The following GPRIN3 variants were observed in gnomAD, a reference collection of about 807,000 sequenced individuals.
The protein encoded by GPRIN3 is GPRIN family member 3.
GPRIN3 carries 12 observed loss-of-function variants against 13.7 expected under a neutral mutation model. The observed-to-expected ratio is 0.87, with a 90% CI of 0.56 to 1.42. GPRIN3 has a LOEUF of 1.42. GPRIN3 is among the 40% of genes most tolerant of loss of function. GPRIN3 has a pLI of 0.00. For synonymous variants in GPRIN3, 377 were observed against 372.7 expected, an observed-to-expected ratio of 1.01 and a Z score of -0.13; for missense variants, 1,009 against 958.7, an observed-to-expected ratio of 1.05 and a Z score of -0.69.
Position 89,249,369 on chromosome 4 carries a change from TG to T in GPRIN3, c.741del (p.Asn247LysfsTer17). The T allele has an allele frequency of 1.2e-6, 2 of 1,614,172 alleles. No homozygotes were observed. The highest frequency in any genetic ancestry group is 1.7e-6 in the Non-Finnish European group (2 of 1,180,028). On this transcript the variant is annotated frameshift_variant, in exon 2 of 2. Transcript: ENST00000609438. LOFTEE classifies it low-confidence loss of function (END_TRUNC). ...CCCGAGGCAGTGACAGAGGGCTGCTTGTTCTCTGAACATCCAGATTCTCTAG... is the reference window on the plus strand; with the variant it reads ...CCCGAGGCAGTGACAGAGGGCTGCTTTTCTCTGAACATCCAGATTCTCTAG... The part of the protein sequence containing the change: ...PLTRESGCSE[N>X]KQPSVTASGP...
intron 1 of GPRIN3, among the ~76,000 whole-genome samples, chr4:89,305,831 C>T (rs905751725): frequency 6.6e-6 from 1 of 152,216 alleles, no homozygotes; most frequent in African/African-American, 2.4e-5. Flanking sequence ...CCAGCCTGCC[C>T]TCCAATTGAC....
chr4:89,299,797 G>C (rs771461054), intron 1 of GPRIN3, among the ~76,000 whole-genome samples: 2 of 152,128 alleles, frequency 1.3e-5, no homozygotes, highest in Non-Finnish European at 2.9e-5. Flanking sequence ...GAAAGATTGA[G>C]ATACACTCTG....
rs1722999887 is a variant in GPRIN3 at position 89,243,462 on chromosome 4, A to G, written c.*4318T>C. Reference sequence around the variant, plus strand: ...GAATCAACCAAAAAGGGCCACGCACAACATCAGGAAGCATTGCTAACAGAA... The same window carrying G: ...GAATCAACCAAAAAGGGCCACGCACGACATCAGGAAGCATTGCTAACAGAA... On this transcript the variant is annotated 3_prime_UTR_variant, in exon 2 of 2. Coordinates refer to ENST00000609438, the MANE Select transcript of GPRIN3 (RefSeq NM_198281.3). 1.3e-5 allele frequency: 2 copies of G among 152,208 alleles called. No individual in the cohort carries two copies. Among genetic ancestry groups the G allele is most frequent in the African/African-American group, 4.8e-5 (2 of 41,454 alleles). 9.4% of individuals were successfully genotyped at this position (152,208 alleles called of 1,614,324 possible). A position where few individuals can be genotyped will look rare whatever the true frequency, so the allele number is the denominator to read the frequency against.
chr4:89,253,318 A>C (rs191235024), intron 1 of GPRIN3, among the ~76,000 whole-genome samples: 109 of 152,342 alleles, frequency 7.2e-4, no homozygotes, highest in Non-Finnish European at 1.5e-3. Flanking sequence ...CATGGCATGA[A>C]ATGTTAAGAA....
chr4:89,305,295 A>T (rs922436525), intron 1 of GPRIN3, among the ~76,000 whole-genome samples: 1 of 152,034 alleles, frequency 6.6e-6, no homozygotes, highest in Non-Finnish European at 1.5e-5. Flanking sequence ...GTCCATGGGA[A>T]ACTCTCCTTA....
rs1043122685 is a variant in GPRIN3 at position 89,239,217 on chromosome 4, T to A, written c.*8563A>T. 12 of 152,252 alleles carry A rather than the reference T, an allele frequency of 7.9e-5. No individual in the cohort carries two copies. The highest frequency in any genetic ancestry group is 2.6e-4 in the African/African-American group (11 of 41,576). The allele number at this position is 152,252 out of a possible 1,614,324, so 9.4% of individuals were successfully genotyped here. A position where few individuals can be genotyped will look rare whatever the true frequency, so the allele number is the denominator to read the frequency against. ...ATAAATGGACTTTCCATTTTGAATA[T>A]TTTTTCTTGTAATATTATACCACAC... On this transcript the variant is annotated 3_prime_UTR_variant, in exon 2 of 2. Transcript: ENST00000609438.
intron 1 of GPRIN3, among the ~76,000 whole-genome samples, chr4:89,268,493 G>A (rs1439888464): frequency 6.6e-6 from 1 of 152,164 alleles, no homozygotes; most frequent in Non-Finnish European, 1.5e-5. Context: ...GCTATGCCAA[G>A]GGTAGGCAAA....
intron 1 of GPRIN3, among the ~76,000 whole-genome samples, chr4:89,253,149 C>G (rs190570289): frequency 1.3e-5 from 2 of 152,032 alleles, no homozygotes; most frequent in African/African-American, 2.4e-5. Context: ...CTGCAAGCCC[C>G]GGAAGGAAAA....
rs143939646 is a variant in GPRIN3 at position 89,260,586 on chromosome 4, T to C, written c.-123-10353A>G. 4.9e-4 allele frequency among the ~76,000 whole-genome samples: 75 copies of C among 152,304 alleles called. 2 individuals are homozygous for C. The South Asian group carries it at 0.015, about 31-fold the overall frequency. ...GACAAATTCAATAAGAAGCTATAAG[T>C]GAGCAAGAGTGTATATAATTAAGTG... On this transcript the variant is annotated intron_variant, in intron 1 of 1. Transcript: ENST00000609438.
intron 1 of GPRIN3, among the ~76,000 whole-genome samples, chr4:89,287,474 G>A (rs1190892140): frequency 6.6e-6 from 1 of 152,190 alleles, no homozygotes; most frequent in Non-Finnish European, 1.5e-5. Flanking sequence ...GGTTTTAAAA[G>A]CTGAGCCTTT....
chr4:89,292,816 T>C (rs1724612561), intron 1 of GPRIN3, among the ~76,000 whole-genome samples: 2 of 152,348 alleles, frequency 1.3e-5, no homozygotes, highest in South Asian at 4.1e-4. Flanking sequence ...CTTTCATTTT[T>C]CTGTAACATT....
At chr4:89,269,053 A>T (rs1250505665) in intron 1 of GPRIN3, among the ~76,000 whole-genome samples, 4 of 152,218 alleles carry the variant, frequency 2.6e-5, no homozygotes, top group African/African-American at 9.6e-5. Context: ...ATGAAGGTTC[A>T]TGACAGGTGG....
chr4:89,300,894 A>G (rs964135543), intron 1 of GPRIN3, among the ~76,000 whole-genome samples: 3 of 152,176 alleles, frequency 2.0e-5, no homozygotes, highest in African/African-American at 7.2e-5. Context: ...TAAAATTTTT[A>G]CTGGAATTTA....
intron 1 of GPRIN3, among the ~76,000 whole-genome samples, chr4:89,253,847 T>C (rs562823229): frequency 6.6e-6 from 1 of 152,298 alleles, no homozygotes; most frequent in South Asian, 2.1e-4. Flanking sequence ...AATGGAATTG[T>C]CACAGCATCT....
At chr4:89,266,836 G>T (rs1723794690) in intron 1 of GPRIN3, among the ~76,000 whole-genome samples, 3 of 152,140 alleles carry the variant, frequency 2.0e-5, no homozygotes, top group African/African-American at 7.2e-5. Context: ...CTTAGTGAAT[G>T]ATACAAATTC....
intron 1 of GPRIN3, among the ~76,000 whole-genome samples, chr4:89,285,812 G>T (rs748759610): frequency 6.6e-6 from 1 of 152,152 alleles, no homozygotes; most frequent in Non-Finnish European, 1.5e-5. Flanking sequence ...TGGTGTTTGG[G>T]AGGGAATTAC....
In GPRIN3 at chr4:89,250,216, T is replaced by C; in HGVS notation, c.-106A>G. 1 of 1,508,198 alleles carries C rather than the reference T, an allele frequency of 6.6e-7. No homozygotes were observed. Among genetic ancestry groups the C allele is most frequent in the Admixed American group, 2.3e-5 (1 of 44,330 alleles). The allele number at this position is 1,508,198 out of a possible 1,614,324, so 93.4% of individuals were successfully genotyped here. ...AGAGTGATGACACAGTCAGGGATGA[T>C]TCCTCTGAAGAACCAGCCTGTGAAT... On this transcript the variant is annotated 5_prime_UTR_variant, in exon 2 of 2. Coordinates refer to ENST00000609438, the MANE Select transcript of GPRIN3 (RefSeq NM_198281.3).
At position 89,242,014 on chromosome 4, in the gene GPRIN3, A is replaced by T. The variant is rs963582926; in HGVS notation, c.*5766T>A. On this transcript the variant is annotated 3_prime_UTR_variant, in exon 2 of 2. Transcript: ENST00000609438. ...TGAATGACATCTCCATAGTTAAGAG[A>T]TCAAGAAAGCTGTTAGCAATTCTCT... 1 of 152,234 alleles carries T rather than the reference A, an allele frequency of 6.6e-6. No individual in the cohort carries two copies. The highest frequency in any genetic ancestry group is 1.5e-5 in the Non-Finnish European group (1 of 68,036). 9.4% of individuals were successfully genotyped at this position (152,234 alleles called of 1,614,324 possible).
In GPRIN3 at chr4:89,248,123, T is replaced by C. The variant is rs1202983804; in HGVS notation, c.1988A>G (p.Lys663Arg). 2 of 1,614,076 alleles carry C rather than the reference T, an allele frequency of 1.2e-6. No homozygotes were observed. The change falls in exon 2 of 2, where the codon AAG becomes AGG. Residue 663 changes from lysine to arginine, a missense_variant. Lys to Arg is a conservative substitution (Grantham distance 26). Coordinates refer to ENST00000609438, the MANE Select transcript of GPRIN3 (RefSeq NM_198281.3). ...GGAGTCTGCGCCAAGCTGCTTTTTC[T>C]TATCTCCTGGAGTGAGTCCTACCTG... ...AAQVGLTPGD[K>R]KKQLGADSKL...
Sources: gnomAD v4.1 joint callset for allele counts (sites outside exome capture counted in the v4.1 genomes callset) on GRCh38, gnomAD v4.1.1 for gene constraint, MANE v1.5 for transcripts, NCBI Gene and HGNC (gene_info 2026-07-23, HGNC 2026-07-21) for gene names.